MBNL1: variants seen among roughly 807,000 people sequenced by gnomAD.
MBNL1 encodes the protein muscleblind like splicing regulator 1.
MBNL1 carries 8 observed loss-of-function variants against 42.2 expected under a neutral mutation model. That is an observed-to-expected ratio of 0.19 (90% CI 0.11 to 0.34). MBNL1 has a LOEUF of 0.34. Ranked by LOEUF, MBNL1 falls within the 10% of genes least tolerant of loss-of-function variation. The pLI is 1.00. For synonymous variants in MBNL1, 169 were observed against 173.9 expected (o/e 0.97, Z 0.22); for missense variants, 309 against 495.3 (o/e 0.62, Z 3.57).
At chr3:152,353,862 ATAT>A (rs1296386046) in intron 2 of MBNL1, among the ~76,000 whole-genome samples, 2 of 152,152 alleles carry the variant, frequency 1.3e-5, no homozygotes, top group Non-Finnish European at 2.9e-5. Flanking sequence ...GATTGGTGAA[ATAT>A]TAGAAAAGAT....
intron 2 of MBNL1, among the ~76,000 whole-genome samples, chr3:152,249,879 C>G (rs1016560996): frequency 1.5e-4 from 23 of 149,074 alleles, no homozygotes; most frequent in Non-Finnish European, 2.5e-4. Flanking sequence ...ATAGGGAATC[C>G]TTTCCCCATT....
intron 5 of MBNL1, chr3:152,446,858 TAG>T: frequency 2.0e-6 from 2 of 1,013,138 alleles, no homozygotes; most frequent in Middle Eastern, 2.4e-4. Flanking sequence ...TTTTCTGTTA[TAG>T]AGTTGTAAAG....
chr3:152,361,805 T>C (rs1034249921), intron 2 of MBNL1, among the ~76,000 whole-genome samples: 1 of 152,208 alleles, frequency 6.6e-6, no homozygotes, highest in African/African-American at 2.4e-5. Context: ...ACTCAAATAT[T>C]AAAAGTGATT....
intron 1 of MBNL1, among the ~76,000 whole-genome samples, chr3:152,278,227 A>G (rs992001717): frequency 3.3e-5 from 5 of 152,138 alleles, no homozygotes; most frequent in African/African-American, 1.2e-4. Flanking sequence ...CCATTATTTG[A>G]ACTTCATTGC....
intron 2 of MBNL1, among the ~76,000 whole-genome samples, chr3:152,332,652 T>G (rs1183835237): frequency 1.3e-5 from 2 of 151,632 alleles, no homozygotes; most frequent in East Asian, 3.9e-4. Context: ...GGGAGGTGCC[T>G]TCACCATAAG....
intron 4 of MBNL1, among the ~76,000 whole-genome samples, chr3:152,433,629 A>C (rs1458754739): frequency 1.3e-5 from 2 of 151,764 alleles, no homozygotes; most frequent in African/African-American, 4.8e-5. Context: ...GGGCGCCTGT[A>C]GTCCCAGCTA....
chr3:152,260,959 G>A (rs1340051021), intron 2 of MBNL1, among the ~76,000 whole-genome samples: 1 of 152,130 alleles, frequency 6.6e-6, no homozygotes, highest in African/African-American at 2.4e-5. Flanking sequence ...TTCTATATGA[G>A]ATCGAGTTTC....
At chr3:152,368,588 A>C (rs893772789) in intron 2 of MBNL1, among the ~76,000 whole-genome samples, 8 of 152,172 alleles carry the variant, frequency 5.3e-5, no homozygotes, top group Admixed American at 2.6e-4. Context: ...CATTGAATCT[A>C]TGAATTACTT....
chr3:152,458,149 A>G (rs756180120), intron 8 of MBNL1: 3 of 1,613,974 alleles, frequency 1.9e-6, no homozygotes, highest in Non-Finnish European at 2.5e-6. Flanking sequence ...TGATGCTTCT[A>G]CACTGTTGGG....
At position 152,300,275 on chromosome 3, in the gene MBNL1, T is replaced by G. The variant is rs763578642; in HGVS notation, c.82T>G (p.Ser28Ala). ...TAGAGAGTTCCAGAGGGGGACTTGC[T>G]CACGGCCAGACACGGAATGTAAATT... ...VCREFQRGTC[S>A]RPDTECKFAH... Residue 28 changes from serine to alanine, a missense_variant, in exon 2 of 10, where the codon TCA becomes GCA. Ser to Ala is a moderately conservative substitution (Grantham distance 99). Coordinates refer to ENST00000324210, the MANE Select transcript of MBNL1 (RefSeq NM_021038.5). 50 of 1,614,010 alleles carry G rather than the reference T, an allele frequency of 3.1e-5. No individual in the cohort carries two copies. The highest frequency in any genetic ancestry group is 4.2e-5 in the Non-Finnish European group (49 of 1,179,892).
chr3:152,312,178 C>G (rs1384789834), intron 2 of MBNL1, among the ~76,000 whole-genome samples: 1 of 122,986 alleles, frequency 8.1e-6, no homozygotes, highest in Non-Finnish European at 1.6e-5. Flanking sequence ...GGCGACAGAG[C>G]GAGACTCCGT....
At chr3:152,244,741 G>C (rs573969144) in intron 2 of MBNL1, among the ~76,000 whole-genome samples, 3 of 151,974 alleles carry the variant, frequency 2.0e-5, no homozygotes, top group Non-Finnish European at 4.4e-5. Context: ...GTGCTGAAGA[G>C]GCATTTGGAT....
rs750185794 is a variant in MBNL1 at position 152,456,277 on chromosome 3, G to A, written c.1008G>A (p.Val336=). 4.3e-6 allele frequency: 7 copies of A among 1,613,138 alleles called. No homozygotes were observed. The South Asian group carries it at 7.7e-5, about 18-fold the overall frequency. Residue 336 remains valine, a synonymous_variant, in exon 8 of 10, where the codon GTG becomes GTA. Transcript: ENST00000324210. ...TTTTCCCTCCGAAAGTTCCCATGGTGCACGGTGCTACGCCAGCCACTGTGT... is the reference window on the plus strand; with the variant it reads ...TTTTCCCTCCGAAAGTTCCCATGGTACACGGTGCTACGCCAGCCACTGTGT... ...MTPATSVVPM[V]HGATPATVSA...
intron 3 of MBNL1, among the ~76,000 whole-genome samples, chr3:152,417,203 CCTGTTTTG>C (rs2153660021): frequency 7.1e-6 from 1 of 141,358 alleles, no homozygotes; most frequent in East Asian, 1.9e-4. Context: ...TGTAGTCAGC[CCTGTTTTG>C]ATGAGGGTAA....
At chr3:152,322,323 A>G (rs1396302831) in intron 2 of MBNL1, among the ~76,000 whole-genome samples, 1 of 152,100 alleles carries the variant, frequency 6.6e-6, no homozygotes, top group African/African-American at 2.4e-5. Context: ...CTCCTGACCC[A>G]TGCCATAACT....
At chr3:152,286,563 T>A (rs1003283228) in intron 1 of MBNL1, among the ~76,000 whole-genome samples, 2 of 145,522 alleles carry the variant, frequency 1.4e-5, no homozygotes, top group African/African-American at 5.0e-5. Flanking sequence ...TATTTATATT[T>A]TATTTATAAT....
intron 4 of MBNL1, among the ~76,000 whole-genome samples, chr3:152,443,364 A>T (rs2099169634): frequency 6.6e-6 from 1 of 152,142 alleles, no homozygotes; most frequent in Non-Finnish European, 1.5e-5. Context: ...AGCAAATAGC[A>T]GCTGAGAGAG....
intron 2 of MBNL1, among the ~76,000 whole-genome samples, chr3:152,307,536 A>T (rs1577510735): frequency 6.6e-6 from 1 of 152,128 alleles, no homozygotes; most frequent in East Asian, 1.9e-4. Flanking sequence ...CATTTTTTTC[A>T]TAGTATTTTG....
At chr3:152,341,054 C>T (rs943758979) in intron 2 of MBNL1, 2 of 993,316 alleles carry the variant, frequency 2.0e-6, no homozygotes, top group African/African-American at 3.3e-5. Context: ...GCATTTTATT[C>T]ATATATGAAA....
Sources: gnomAD v4.1 joint callset for allele counts (sites outside exome capture counted in the v4.1 genomes callset) on GRCh38, gnomAD v4.1.1 for gene constraint, MANE v1.5 for transcripts, NCBI Gene and HGNC (gene_info 2026-07-23, HGNC 2026-07-21) for gene names.